Variants in ABCC4 observed in about 807,000 individuals in gnomAD.
ABCC4 encodes the protein ATP binding cassette subfamily C member 4 (PEL blood group).
A neutral mutation model predicts 168.5 loss-of-function variants in ABCC4; 102 were observed. The ratio of observed to expected loss-of-function variants is 0.61; its 90% CI spans 0.52 to 0.71. The LOEUF (loss-of-function observed/expected upper bound fraction) is 0.71. ABCC4 is among the 30% of genes least tolerant of loss of function. The pLI, the probability that ABCC4 is intolerant of heterozygous loss-of-function variation, is 0.00. For synonymous variants in ABCC4, 617 were observed against 590.7 expected (o/e 1.04, Z -0.65); for missense variants, 1,402 against 1,605.8 (o/e 0.87, Z 2.17).
chr13:95,258,440 C>A (rs2040446219), intron 1 of ABCC4, among the ~76,000 whole-genome samples: 1 of 152,154 alleles, frequency 6.6e-6, no homozygotes, highest in Non-Finnish European at 1.5e-5. Context: ...AGGTCTCAAT[C>A]CCCAGAAAGT....
chr13:95,259,372 C>CT (rs2040470823), intron 1 of ABCC4, among the ~76,000 whole-genome samples: 1 of 140,584 alleles, frequency 7.1e-6, no homozygotes, highest in Admixed American at 7.0e-5. Flanking sequence ...AAGAGTGAAA[C>CT]TCCGTCTCAA....
intron 14 of ABCC4, among the ~76,000 whole-genome samples, chr13:95,168,018 A>G (rs1415078103): frequency 6.6e-6 from 1 of 152,080 alleles, no homozygotes; most frequent in Non-Finnish European, 1.5e-5. Context: ...AGGCAGCGCC[A>G]CCAGGCCCAG....
chr13:95,066,677 A>G (rs2033559271), intron 25 of ABCC4, among the ~76,000 whole-genome samples: 1 of 152,208 alleles, frequency 6.6e-6, no homozygotes, highest in African/African-American at 2.4e-5. Flanking sequence ...GCTTAGTAAG[A>G]TTGATTAAAC....
chr13:95,097,185 CAT>C (rs1314842094), intron 20 of ABCC4, among the ~76,000 whole-genome samples: 1 of 150,172 alleles, frequency 6.7e-6, no homozygotes, highest in African/African-American at 2.5e-5. Flanking sequence ...AAAACAATAA[CAT>C]AAAGAGTAGA....
intron 9 of ABCC4, among the ~76,000 whole-genome samples, chr13:95,192,001 A>G (rs1336315961): frequency 6.6e-6 from 1 of 152,216 alleles, no homozygotes; most frequent in African/African-American, 2.4e-5. Context: ...AGGCTCCAAG[A>G]CACACTAAGG....
At chr13:95,217,798 C>G (rs2039164604) in intron 4 of ABCC4, among the ~76,000 whole-genome samples, 1 of 152,134 alleles carries the variant, frequency 6.6e-6, no homozygotes, top group South Asian at 2.1e-4. Flanking sequence ...ATGCAAATTC[C>G]TCACAACAAT....
chr13:95,037,084 C>A (rs1393948791), intron 29 of ABCC4, among the ~76,000 whole-genome samples: 542 of 105,788 alleles, frequency 5.1e-3, no homozygotes, highest in South Asian at 9.0e-3. Context: ...ACTCTGTGTC[C>A]AAAAAAAAAA....
At chr13:95,068,574 C>T (rs983035128) in intron 25 of ABCC4, among the ~76,000 whole-genome samples, 1 of 152,064 alleles carries the variant, frequency 6.6e-6, no homozygotes, top group Non-Finnish European at 1.5e-5. Flanking sequence ...GCCAAGATTG[C>T]GCCACTGCAC....
intron 18 of ABCC4, 105 bp downstream of exon 18, chr13:95,163,017 C>G (rs2037148562): frequency 9.4e-6 from 7 of 748,302 alleles, no homozygotes; most frequent in Admixed American, 7.2e-5. Flanking sequence ...GACTCCTGAT[C>G]TGTTAAGACA....
At chr13:95,212,746 C>T (rs2038997526) in intron 4 of ABCC4, among the ~76,000 whole-genome samples, 2 of 152,042 alleles carry the variant, frequency 1.3e-5, no homozygotes, top group South Asian at 4.2e-4. Flanking sequence ...ACTCTACAGT[C>T]AACACAGAAA....
intron 19 of ABCC4, among the ~76,000 whole-genome samples, chr13:95,145,440 G>A (rs539938804): frequency 6.7e-6 from 1 of 150,174 alleles, no homozygotes; most frequent in South Asian, 2.1e-4. Flanking sequence ...GGGTAACATG[G>A]TAAAACCCCA....
chr13:95,073,689 T>C (rs2033806471), intron 23 of ABCC4, among the ~76,000 whole-genome samples: 1 of 152,218 alleles, frequency 6.6e-6, no homozygotes, highest in Middle Eastern at 3.2e-3. Context: ...AGGTTGTAAG[T>C]GCCAATGCTT....
chr13:95,217,925 G>A (rs2039170104), intron 4 of ABCC4, among the ~76,000 whole-genome samples: 1 of 152,084 alleles, frequency 6.6e-6, no homozygotes, highest in South Asian at 2.1e-4. Context: ...GCCCCTGGCT[G>A]TCAGGCTATC....
Position 95,074,320 on chromosome 13 carries a change from A to C in ABCC4, c.2811T>G (p.Ala937=). ...FDAHQDLHSE[A]WFLFLTTSRW... The stretch of plus-strand genomic sequence containing the variant: ...GGGACGTTGTCAAAAACAAGAACCA[A>C]GCCTCTGAATTTGAGAACGGTAATA... Residue 937 remains alanine (A), a synonymous_variant, in exon 23 of 31, where the codon GCT becomes GCG. Coordinates refer to ENST00000645237, the MANE Select transcript of ABCC4 (RefSeq NM_005845.5). 1 of 1,610,700 alleles carries C rather than the reference A, an allele frequency of 6.2e-7. No individual in the cohort carries two copies. Among genetic ancestry groups the C allele is most frequent in the Non-Finnish European group, 8.5e-7 (1 of 1,178,016 alleles).
chr13:95,096,009 A>G, intron 20 of ABCC4: 1 of 406,604 alleles, frequency 2.5e-6, no homozygotes, highest in Non-Finnish European at 4.3e-6. Flanking sequence ...TATAAGAGCA[A>G]AACAAATGAA....
intron 25 of ABCC4, among the ~76,000 whole-genome samples, chr13:95,068,456 A>T (rs544236542): frequency 1.2e-4 from 19 of 152,212 alleles, no homozygotes; most frequent in Admixed American, 2.0e-4. Context: ...GAAACCCCGG[A>T]TCCACTAAAT....
At chr13:95,282,609 A>G (rs1400471369) in intron 1 of ABCC4, among the ~76,000 whole-genome samples, 1 of 151,826 alleles carries the variant, frequency 6.6e-6, no homozygotes, top group Non-Finnish European at 1.5e-5. Context: ...ATCTCGACTC[A>G]CTGCAACCTC....
intron 3 of ABCC4, among the ~76,000 whole-genome samples, chr13:95,246,737 A>G (rs899189511): frequency 1.3e-5 from 2 of 152,246 alleles, no homozygotes; most frequent in Non-Finnish European, 2.9e-5. Context: ...TGGTTACAAG[A>G]AAAACAATAA....
chr13:95,088,247 C>T (rs1414731905), intron 20 of ABCC4, among the ~76,000 whole-genome samples: 6 of 151,930 alleles, frequency 3.9e-5, no homozygotes, highest in Non-Finnish European at 7.4e-5. Flanking sequence ...GGCTGAAGTC[C>T]GTCTATATGC....
Sources: gnomAD v4.1 joint callset for allele counts (sites outside exome capture counted in the v4.1 genomes callset) on GRCh38, gnomAD v4.1.1 for gene constraint, MANE v1.5 for transcripts, NCBI Gene and HGNC (gene_info 2026-07-23, HGNC 2026-07-21) for gene names.